PDE8B: variants seen among roughly 807,000 people sequenced by gnomAD.
PDE8B encodes high affinity cAMP-specific and IBMX-insensitive 3',5'-cyclic phosphodiesterase 8B.
In PDE8B, 26 loss-of-function variants were observed where a neutral mutation model predicts 101.3. That is an observed-to-expected ratio of 0.26 (90% CI 0.19 to 0.36). The LOEUF is 0.36. Among genes scored for constraint, PDE8B ranks in the 10% least tolerant of loss-of-function variants. PDE8B has a pLI of 1.00. For synonymous variants in PDE8B, 424 were observed against 429.3 expected (o/e 0.99, Z 0.15); for missense variants, 810 against 1,163.1 (o/e 0.70, Z 4.42).
At chr5:77,213,611 C>T (rs879341378) in intron 1 of PDE8B, among the ~76,000 whole-genome samples, 6 of 152,180 alleles carry the variant, frequency 3.9e-5, no homozygotes, top group Non-Finnish European at 8.8e-5. Context: ...TTGCTAGGCA[C>T]GTGGTGGTGC....
At chr5:77,238,392 T>C (rs1164012866) in intron 1 of PDE8B, among the ~76,000 whole-genome samples, 1 of 152,250 alleles carries the variant, frequency 6.6e-6, no homozygotes, top group Non-Finnish European at 1.5e-5. Flanking sequence ...TATTCTATCC[T>C]TTAGTCATCA....
intron 14 of PDE8B, 63 bp from the exon 15 acceptor site, chr5:77,411,610 TAAA>T (rs572664482): frequency 1.9e-6 from 2 of 1,060,540 alleles, no homozygotes; most frequent in African/African-American, 1.6e-5. Flanking sequence ...TCACTAATAA[TAAA>T]AAAAAAAAGA....
intron 6 of PDE8B, among the ~76,000 whole-genome samples, chr5:77,338,578 G>A (rs1272607508): frequency 1.3e-5 from 2 of 152,154 alleles, no homozygotes; most frequent in African/African-American, 2.4e-5. Context: ...TTATGTGTAT[G>A]TCAGCTTCAG....
chr5:77,297,058 G>GCCCT (rs1230659003), intron 1 of PDE8B, among the ~76,000 whole-genome samples: 4 of 152,124 alleles, frequency 2.6e-5, no homozygotes, highest in Non-Finnish European at 5.9e-5. Flanking sequence ...CAAAGGCAGG[G>GCCCT]GCCTTTGTAC....
intron 1 of PDE8B, among the ~76,000 whole-genome samples, chr5:77,256,543 A>G (rs1759213856): frequency 1.3e-5 from 2 of 152,210 alleles, no homozygotes; most frequent in South Asian, 4.1e-4. Flanking sequence ...TTTTAGTGCT[A>G]TGATCATGCC....
rs6873097 is a variant in PDE8B, at chr5:77,211,711, A to G, written c.339+447A>G. Among the ~76,000 whole-genome samples, 827 of 152,366 alleles carry G rather than the reference A, an allele frequency of 5.4e-3. 10 individuals carry two copies. The highest frequency in any genetic ancestry group is 0.019 in the African/African-American group (791 of 41,580). On this transcript the variant is annotated intron_variant, in intron 1 of 21. Transcript: ENST00000264917. This position sits in a 1 kb window ranked among gnomAD's most constrained non-coding sequence, Gnocchi z 4.1. ...GCAGCACCAGGATAGATAGTGCCCCATATTCCGATTTTTACCTGGGATTAC... is the reference window on the plus strand; with the variant it reads ...GCAGCACCAGGATAGATAGTGCCCCGTATTCCGATTTTTACCTGGGATTAC...
chr5:77,278,152 A>G (rs1764206725), intron 1 of PDE8B, among the ~76,000 whole-genome samples: 1 of 152,150 alleles, frequency 6.6e-6, no homozygotes, highest in African/African-American at 2.4e-5. Flanking sequence ...GGCCGAGTTC[A>G]CGTTCAAGTT....
intron 1 of PDE8B, among the ~76,000 whole-genome samples, chr5:77,301,227 C>T (rs1215520093): frequency 2.0e-5 from 3 of 152,202 alleles, no homozygotes; most frequent in African/African-American, 7.2e-5. Flanking sequence ...AGACATTTCA[C>T]TCTTGGTCCT....
chr5:77,214,527 G>A (rs911677952), intron 1 of PDE8B, among the ~76,000 whole-genome samples: 4 of 152,166 alleles, frequency 2.6e-5, no homozygotes, highest in African/African-American at 9.7e-5. Flanking sequence ...GTAAAATGGT[G>A]TGCCTAAGCC....
chr5:77,106,417 T>C, the PDE8B span, among the ~76,000 whole-genome samples: 2 of 152,322 alleles, frequency 1.3e-5, no homozygotes, highest in East Asian at 3.8e-4. Flanking sequence ...AGCACCCCTT[T>C]TCCCCCATTG....
At chr5:77,141,822 G>T in the PDE8B span, 1 of 151,930 alleles carries the variant, frequency 6.6e-6, no homozygotes, top group African/African-American at 2.4e-5. Context: ...ATCAAAGAGA[G>T]AATTTATAAA....
chr5:77,388,527 T>C (rs1789217749), intron 10 of PDE8B, among the ~76,000 whole-genome samples: 1 of 152,184 alleles, frequency 6.6e-6, no homozygotes. Flanking sequence ...GGGAGGTGTC[T>C]CCCAGTCAGG....
chr5:77,395,180 G>A (rs112770160), intron 10 of PDE8B, among the ~76,000 whole-genome samples: 14 of 148,622 alleles, frequency 9.4e-5, no homozygotes, highest in African/African-American at 3.2e-4. Flanking sequence ...GCAGTGGCGC[G>A]ATCTCGGCAC....
intron 10 of PDE8B, among the ~76,000 whole-genome samples, chr5:77,360,090 CAA>C (rs200573688): frequency 3.2e-4 from 26 of 81,944 alleles, no homozygotes; most frequent in Admixed American, 5.4e-4. Context: ...GACTTCATCG[CAA>C]AAAAAAAAAA....
chr5:77,260,476 G>A (rs1414418310), intron 1 of PDE8B, among the ~76,000 whole-genome samples: 1 of 151,694 alleles, frequency 6.6e-6, no homozygotes, highest in Non-Finnish European at 1.5e-5. Flanking sequence ...TGATCAATTA[G>A]GAAATAGCAA....
chr5:77,401,477 A>G (rs767687958), intron 11 of PDE8B, among the ~76,000 whole-genome samples: 5 of 152,246 alleles, frequency 3.3e-5, no homozygotes, highest in Non-Finnish European at 7.3e-5. Flanking sequence ...TTGGAAGTAC[A>G]GTTTCCACCA....
At chr5:77,126,931 A>G in the PDE8B span, among the ~76,000 whole-genome samples, 2 of 152,122 alleles carry the variant, frequency 1.3e-5, no homozygotes, top group Non-Finnish European at 2.9e-5. Flanking sequence ...TCTGGACTTT[A>G]TTTATTATAG....
At chr5:77,273,800 T>G (rs546846652) in intron 1 of PDE8B, among the ~76,000 whole-genome samples, 3 of 150,958 alleles carry the variant, frequency 2.0e-5, no homozygotes, top group Non-Finnish European at 1.5e-5. Context: ...TAGTTCCATC[T>G]GTTTTTTTTT....
Position 77,418,387 on chromosome 5 carries a change from C to T in PDE8B, c.2070C>T (p.Ala690=), listed in dbSNP as rs372287913. Residue 690 remains alanine, a synonymous_variant, in exon 18 of 22, where the codon GCC becomes GCT. Transcript: ENST00000264917. ...CTGTTCTGGAGAGTCACCACACCGC[C>T]CTGGCCTTCCAGCTCACGGTCAAGG... is the stretch of plus-strand genomic sequence containing the variant. ...DTAVLESHHT[A]LAFQLTVKDT... 1 of 1,614,040 alleles carries T rather than the reference C, an allele frequency of 6.2e-7. No individual in the cohort carries two copies. The highest frequency in any genetic ancestry group is 1.3e-5 in the African/African-American group (1 of 74,918).
Sources: gnomAD v4.1 joint callset for allele counts (sites outside exome capture counted in the v4.1 genomes callset) on GRCh38, gnomAD v4.1.1 for gene constraint, Gnocchi (gnomAD v3.1) non-coding constraint, MANE v1.5 for transcripts, NCBI Gene and HGNC (gene_info 2026-07-23, HGNC 2026-07-21) for gene names.